Variants in CACNA2D3 observed in about 807,000 individuals in gnomAD.
CACNA2D3 encodes voltage-dependent calcium channel subunit alpha-2/delta-3.
Under a neutral mutation model 160.6 loss-of-function variants are expected in CACNA2D3, and 60 were observed. That is an observed-to-expected ratio of 0.37 (90% CI 0.30 to 0.46). The LOEUF (loss-of-function observed/expected upper bound fraction) is 0.46. Among genes scored for constraint, CACNA2D3 ranks in the 20% least tolerant of loss-of-function variants. The pLI, the probability that CACNA2D3 is intolerant of heterozygous loss-of-function variation, is 1.00. For missense variants in CACNA2D3, 1,205 were observed against 1,365.0 expected, an observed-to-expected ratio of 0.88 and a Z score of 1.85; for synonymous variants, 558 against 492.9, an observed-to-expected ratio of 1.13 and a Z score of -1.75.
At chr3:54,535,530 T>A (rs1701876101) in intron 5 of CACNA2D3, among the ~76,000 whole-genome samples, 1 of 152,234 alleles carries the variant, frequency 6.6e-6, no homozygotes, top group Non-Finnish European at 1.5e-5. Context: ...AAAATATGAC[T>A]TCTATTTTTA....
intron 33 of CACNA2D3, among the ~76,000 whole-genome samples, chr3:55,008,633 G>C (rs1299671400): frequency 6.6e-6 from 1 of 152,096 alleles, no homozygotes; most frequent in Middle Eastern, 3.2e-3. Context: ...CAAATGGGAA[G>C]TAAATTCTCC....
intron 24 of CACNA2D3, among the ~76,000 whole-genome samples, chr3:54,888,428 G>A (rs1201767407): frequency 1.3e-5 from 2 of 152,248 alleles, no homozygotes; most frequent in East Asian, 3.9e-4. Flanking sequence ...ATGGAGAAGT[G>A]AGAGCTCAGT....
intron 27 of CACNA2D3, among the ~76,000 whole-genome samples, chr3:54,944,722 C>G (rs1429458171): frequency 2.0e-5 from 3 of 152,068 alleles, no homozygotes; most frequent in Admixed American, 2.0e-4. Flanking sequence ...CGCCCAGCCT[C>G]CAAGAGTTAT....
At chr3:54,973,543 T>C (rs1458463053) in intron 29 of CACNA2D3, among the ~76,000 whole-genome samples, 1 of 152,198 alleles carries the variant, frequency 6.6e-6, no homozygotes. Context: ...AAGACTTTTC[T>C]AAGGCTTGTA....
intron 2 of CACNA2D3, among the ~76,000 whole-genome samples, chr3:54,249,548 TCTG>T (rs1301899721): frequency 8.3e-6 from 1 of 120,744 alleles, no homozygotes; most frequent in East Asian, 2.6e-4. Flanking sequence ...AATAAATGTC[TCTG>T]TTTACGTACA....
At chr3:54,887,192 G>A (rs546138285) in intron 23 of CACNA2D3, among the ~76,000 whole-genome samples, 1 of 152,198 alleles carries the variant, frequency 6.6e-6, no homozygotes, top group African/African-American at 2.4e-5. Context: ...TTGGGAGGCT[G>A]ATTCAGGCAG....
intron 9 of CACNA2D3, among the ~76,000 whole-genome samples, chr3:54,602,893 C>A (rs1447217021): frequency 6.6e-6 from 1 of 152,168 alleles, no homozygotes; most frequent in Non-Finnish European, 1.5e-5. Flanking sequence ...TCACACTCCT[C>A]ACATTGCAGA....
At chr3:54,880,752 G>A (rs1363802370) in intron 20 of CACNA2D3, 44 bp from the exon 21 acceptor site, 9 of 1,509,128 alleles carry the variant, frequency 6.0e-6, no homozygotes, top group Non-Finnish European at 7.4e-6. Context: ...GTCTATTCGA[G>A]TCGATGCCAG....
chr3:54,968,541 A>G (rs1336212569), intron 28 of CACNA2D3, 30 bp downstream of exon 28: 3 of 1,547,778 alleles, frequency 1.9e-6, no homozygotes, highest in Non-Finnish European at 2.7e-6. Context: ...TTGAAGCATT[A>G]GCGACACTGT....
chr3:54,403,302 C>T (rs1262887604), intron 4 of CACNA2D3, among the ~76,000 whole-genome samples: 1 of 150,110 alleles, frequency 6.7e-6, no homozygotes, highest in East Asian at 2.0e-4. Flanking sequence ...TTTCAATGAG[C>T]CAAGATTATG....
rs1453910190 is a variant in CACNA2D3, at chr3:54,816,875, A to T, written c.1398+5A>T. 1.2e-6 allele frequency: 2 copies of T among 1,613,666 alleles called. No homozygotes were observed. The highest frequency in any genetic ancestry group is 1.7e-5 in the Admixed American group (1 of 59,988). ...CAGCTCCCTCAGGCACAAAAGGTAA[A>T]TTCTCTTCTGTCACATTCCAGTCAC... On this transcript the variant is annotated splice_donor_5th_base_variant and intron_variant, in intron 14 of 37. Coordinates refer to ENST00000474759, the MANE Select transcript of CACNA2D3 (RefSeq NM_018398.3).
chr3:54,212,641 G>A (rs566520523), intron 2 of CACNA2D3, among the ~76,000 whole-genome samples: 96 of 152,248 alleles, frequency 6.3e-4, no homozygotes, highest in Admixed American at 2.6e-3. Context: ...AGGTGTGTCC[G>A]ACCCCCACTT....
chr3:54,899,950 G>C, intron 27 of CACNA2D3, 82 bp downstream of exon 27: 1 of 951,528 alleles, frequency 1.1e-6, no homozygotes, highest in Non-Finnish European at 1.6e-6. Context: ...TGTGAGGCAC[G>C]CTTATCCTCC....
chr3:54,695,700 C>T (rs1034734399), intron 11 of CACNA2D3, among the ~76,000 whole-genome samples: 2 of 152,126 alleles, frequency 1.3e-5, no homozygotes, highest in Admixed American at 6.6e-5. Flanking sequence ...ATTTTATAGT[C>T]ATTCATATTT....
chr3:54,142,792 G>A (rs1248057354), intron 2 of CACNA2D3, among the ~76,000 whole-genome samples: 2 of 152,180 alleles, frequency 1.3e-5, no homozygotes, highest in Non-Finnish European at 1.5e-5. Context: ...AAGCTATTTG[G>A]CTAGGAGGCA....
In CACNA2D3 at chr3:54,279,774, G is replaced by T. The variant is rs534762066; in HGVS notation, c.205-40668G>T. ...TGTCTCTGTTCTCAAAACGAGAATG[G>T]AGGGCCTTGTCTTGAGGGTTTGGGC... On this transcript the variant is annotated intron_variant, in intron 2 of 37. Transcript: ENST00000474759. 2.6e-5 allele frequency among the ~76,000 whole-genome samples: 4 copies of T among 152,288 alleles called. No individual in the cohort carries two copies. In the South Asian group the frequency reaches 8.3e-4, roughly 32 times the overall value.
At chr3:55,052,573 G>C (rs979442371) in intron 35 of CACNA2D3, among the ~76,000 whole-genome samples, 1 of 152,046 alleles carries the variant, frequency 6.6e-6, no homozygotes, top group Admixed American at 6.5e-5. Context: ...TCATTACCAA[G>C]AGAGGAGTGT....
At chr3:54,715,023 C>T (rs943502702) in intron 11 of CACNA2D3, among the ~76,000 whole-genome samples, 3 of 152,158 alleles carry the variant, frequency 2.0e-5, no homozygotes, top group Non-Finnish European at 4.4e-5. Flanking sequence ...GCTGGGTTTC[C>T]TCTAAATCAA....
At chr3:54,282,410 A>G (rs768605595) in intron 2 of CACNA2D3, among the ~76,000 whole-genome samples, 57 of 152,236 alleles carry the variant, frequency 3.7e-4, no homozygotes, top group Non-Finnish European at 1.2e-4. Context: ...GCCAGCAACA[A>G]ACCATCAGGT....
Sources: gnomAD v4.1 joint callset for allele counts (sites outside exome capture counted in the v4.1 genomes callset) on GRCh38, gnomAD v4.1.1 for gene constraint, MANE v1.5 for transcripts, NCBI Gene and HGNC (gene_info 2026-07-23, HGNC 2026-07-21) for gene names.